Variants in NT5DC1 observed in about 807,000 individuals in gnomAD.
NT5DC1 encodes 5'-nucleotidase domain containing 1, also known as 5'-nucleotidase domain-containing protein 1.
Under a neutral mutation model 59.4 loss-of-function variants are expected in NT5DC1, and 42 were observed. The observed-to-expected ratio is 0.71, with a 90% confidence interval of 0.55 to 0.92. NT5DC1 has a LOEUF of 0.92. Ranked by LOEUF, NT5DC1 falls within the 40% of genes least tolerant of loss-of-function variation. NT5DC1 has a pLI of 0.00. For missense variants in NT5DC1, 501 were observed against 537.1 expected, an observed-to-expected ratio of 0.93 and a Z score of 0.66; for synonymous variants, 172 against 188.1, an observed-to-expected ratio of 0.91 and a Z score of 0.70.
chr6:116,116,475 C>G (rs1162804820), intron 5 of NT5DC1, among the ~76,000 whole-genome samples: 1 of 152,110 alleles, frequency 6.6e-6, no homozygotes, highest in Non-Finnish European at 1.5e-5. Flanking sequence ...AACCTTGTCT[C>G]TAATAAAAAT....
chr6:116,102,960 T>C (rs1044764980), intron 1 of NT5DC1, among the ~76,000 whole-genome samples: 1 of 152,244 alleles, frequency 6.6e-6, no homozygotes, highest in Non-Finnish European at 1.5e-5. Flanking sequence ...ATCTTAAACA[T>C]CGTTCCCCTT....
intron 8 of NT5DC1, among the ~76,000 whole-genome samples, chr6:116,230,060 C>T (rs1302980109): frequency 6.6e-6 from 1 of 152,174 alleles, no homozygotes; most frequent in Non-Finnish European, 1.5e-5. Flanking sequence ...CCGTTGTCTT[C>T]ACCCTTTTAC....
At chr6:116,178,102 C>T (rs1000247169) in intron 6 of NT5DC1, among the ~76,000 whole-genome samples, 6,028 of 94,500 alleles carry the variant, frequency 0.064, 178 homozygotes, top group South Asian at 0.086. Flanking sequence ...CGCGCGCGCG[C>T]GTGCGTGCGT....
intron 6 of NT5DC1, chr6:116,125,553 TA>T: frequency 1.3e-6 from 2 of 1,555,234 alleles, no homozygotes; most frequent in African/African-American, 1.4e-5. Context: ...GTTATTAACC[TA>T]TTTTTTTATT....
chr6:116,103,461 T>C (rs73772244), intron 1 of NT5DC1, among the ~76,000 whole-genome samples: 6,800 of 151,994 alleles, frequency 0.045, 215 homozygotes, highest in African/African-American at 0.085. Context: ...TTGCTGTCTG[T>C]ATGGTGCCCG....
chr6:116,224,320 A>G (rs761158275), intron 8 of NT5DC1, among the ~76,000 whole-genome samples: 70 of 152,346 alleles, frequency 4.6e-4, no homozygotes, highest in Non-Finnish European at 6.0e-4. Context: ...GGGCTTATGA[A>G]CAGTGAAATC....
rs529666110 is a variant in NT5DC1, at chr6:116,111,901, A to T, written c.364+945A>T. 4.9e-4 allele frequency among the ~76,000 whole-genome samples: 75 copies of T among 152,354 alleles called. 1 individual carries two copies. In the South Asian group the frequency reaches 0.015, roughly 30 times the overall value. On this transcript the variant is annotated intron_variant, in intron 4 of 11. Transcript: ENST00000319550. ...CAGATGGGAGGAAAGCCTCTTACTC[A>T]AATGATGGTCGAGAACTGCTGTTGT...
chr6:116,174,312 G>GA (rs1780684418), intron 6 of NT5DC1, among the ~76,000 whole-genome samples: 2 of 151,984 alleles, frequency 1.3e-5, no homozygotes, highest in African/African-American at 2.4e-5. Context: ...GCCTGAAGTA[G>GA]AAAAAAATAT....
chr6:116,238,217 G>T lies in NT5DC1; in HGVS notation c.952G>T (p.Asp318Tyr), dbSNP rs369596588. Residue 318 changes from aspartate to tyrosine, a missense_variant, in exon 10 of 12, where the codon GAT (aspartate) becomes TAT (tyrosine). Coordinates refer to ENST00000319550, the MANE Select transcript of NT5DC1 (RefSeq NM_152729.3). ...TTATTTTGGTGACAGCATGCATTCA[G>T]ATATTTTCCCAGCTCGTCACTATAG... ...VVYFGDSMHS[D>Y]IFPARHYSNW... is the part of the protein sequence containing the mutation. 17 of 1,611,952 alleles carry T rather than the reference G, an allele frequency of 1.1e-5. No homozygotes were observed. Among genetic ancestry groups the T allele is most frequent in the Non-Finnish European group, 1.4e-5 (17 of 1,178,802 alleles).
chr6:116,170,256 G>C (rs1204458398), intron 6 of NT5DC1, among the ~76,000 whole-genome samples: 1 of 152,144 alleles, frequency 6.6e-6, no homozygotes, highest in Non-Finnish European at 1.5e-5. Context: ...CCCCACCAGT[G>C]ATTGGGGGGT....
In NT5DC1 at chr6:116,174,350, T is replaced by A. The variant is rs187664927; in HGVS notation, c.530-46704T>A. On this transcript the variant is annotated intron_variant, in intron 6 of 11. Transcript: ENST00000319550. Reference sequence around the variant, plus strand: ...TTATTTGGAAATCTTCCGTAAGAAATATCATAGACATACCATTTTGACCTT... The same window carrying A: ...TTATTTGGAAATCTTCCGTAAGAAAAATCATAGACATACCATTTTGACCTT... 4.6e-5 allele frequency among the ~76,000 whole-genome samples: 7 copies of A among 152,298 alleles called. No homozygotes were observed. The East Asian group carries it at 1.4e-3, about 29-fold the overall frequency.
At chr6:116,185,655 G>A (rs553790750) in intron 6 of NT5DC1, among the ~76,000 whole-genome samples, 105 of 152,212 alleles carry the variant, frequency 6.9e-4, no homozygotes, top group Middle Eastern at 3.4e-3. Flanking sequence ...TTGCTTTAAA[G>A]TTTGTTTTGT....
At chr6:116,235,609 G>T (rs1410661107) in intron 8 of NT5DC1, among the ~76,000 whole-genome samples, 1 of 152,298 alleles carries the variant, frequency 6.6e-6, no homozygotes, top group Admixed American at 6.5e-5. Flanking sequence ...ACTCATTTTT[G>T]TAGTAGAATG....
intron 6 of NT5DC1, among the ~76,000 whole-genome samples, chr6:116,128,474 A>G (rs2114321263): frequency 6.6e-6 from 1 of 152,300 alleles, no homozygotes; most frequent in Non-Finnish European, 1.5e-5. Flanking sequence ...TTTAAACTCT[A>G]TAACCTGAGT....
intron 3 of NT5DC1, among the ~76,000 whole-genome samples, chr6:116,108,900 T>C (rs755293362): frequency 1.3e-4 from 20 of 152,204 alleles, no homozygotes; most frequent in Admixed American, 2.6e-4. Flanking sequence ...GGGATCATGT[T>C]GTGTCCTAGC....
chr6:116,126,819 G>A (rs1207777984), intron 6 of NT5DC1, among the ~76,000 whole-genome samples: 1 of 151,816 alleles, frequency 6.6e-6, no homozygotes, highest in Non-Finnish European at 1.5e-5. Context: ...TTTATTTCAG[G>A]AGAAAAAAAT....
intron 6 of NT5DC1, among the ~76,000 whole-genome samples, chr6:116,218,132 A>T (rs1011763206): frequency 2.0e-5 from 3 of 152,176 alleles, no homozygotes; most frequent in Non-Finnish European, 4.4e-5. Context: ...ATCTGATTAA[A>T]TTATTATATT....
At chr6:116,108,532 T>C (rs973503053) in intron 3 of NT5DC1, 97 bp downstream of exon 3, 2 of 717,186 alleles carry the variant, frequency 2.8e-6, no homozygotes, top group South Asian at 3.2e-5. Context: ...TAAATATGAT[T>C]ATTTTAATTA....
At chr6:116,204,834 G>A (rs574939623) in intron 6 of NT5DC1, among the ~76,000 whole-genome samples, 1 of 152,130 alleles carries the variant, frequency 6.6e-6, no homozygotes, top group Non-Finnish European at 1.5e-5. Context: ...ATAGTGTGTA[G>A]TAGGTGCTCA....
Sources: allele counts gnomAD v4.1 joint callset (sites outside exome capture counted in the v4.1 genomes callset), GRCh38; gene constraint gnomAD v4.1.1; transcripts MANE v1.5; gene names NCBI Gene and HGNC (gene_info 2026-07-23, HGNC 2026-07-21).